The following CCSER1 variants were observed in gnomAD, a reference collection of about 807,000 sequenced individuals.
The protein encoded by CCSER1 is coiled-coil serine rich protein 1.
A neutral mutation model predicts 82.0 loss-of-function variants in CCSER1; 41 were observed. That is an observed-to-expected ratio of 0.50 (90% CI 0.39 to 0.65). The LOEUF is 0.65. CCSER1 is among the 30% of genes least tolerant of loss of function. The probability of loss-of-function intolerance (pLI) is 0.00; values close to 1 mark genes in which losing one functional copy is unlikely to be tolerated. For missense variants in CCSER1, 1,119 were observed against 1,064.2 expected (o/e 1.05, Z -0.72); for synonymous variants, 414 against 383.9 (o/e 1.08, Z -0.92).
At chr4:90,619,187 T>C (rs1008844029) in intron 5 of CCSER1, among the ~76,000 whole-genome samples, 2 of 151,984 alleles carry the variant, frequency 1.3e-5, no homozygotes. Context: ...TGAAAGCTCT[T>C]CAGTATCATC....
chr4:91,010,132 CTCCTTCAT>C lies in CCSER1; in HGVS notation c.2173-75816_2173-75809del, dbSNP rs1738884142. Reference sequence around the variant, plus strand: ...TGCTTGTCTGGGAGAAAGACTATTTCTCCTTCATTTCTTAAGGATAGCTTTGCTGGATA... The same window carrying C: ...TGCTTGTCTGGGAGAAAGACTATTTCTTCTTAAGGATAGCTTTGCTGGATA... On this transcript the variant is annotated intron_variant, in intron 9 of 10. Coordinates refer to ENST00000509176, the MANE Select transcript of CCSER1 (RefSeq NM_001145065.2). 3.3e-5 allele frequency among the ~76,000 whole-genome samples: 5 copies of C among 152,242 alleles called. No individual in the cohort carries two copies. In the South Asian group the frequency reaches 1.0e-3, roughly 32 times the overall value.
At chr4:90,931,835 G>C (rs1200075280) in intron 9 of CCSER1, among the ~76,000 whole-genome samples, 1 of 152,154 alleles carries the variant, frequency 6.6e-6, no homozygotes, top group African/African-American at 2.4e-5. Flanking sequence ...TTTGGGATTT[G>C]AGAATAGCTA....
intron 6 of CCSER1, among the ~76,000 whole-genome samples, chr4:90,640,736 A>G (rs1177604038): frequency 6.6e-6 from 1 of 152,134 alleles, no homozygotes; most frequent in African/African-American, 2.4e-5. Flanking sequence ...TAGTTTAATA[A>G]GGGACTTTTT....
At chr4:91,392,002 C>T (rs967735609) in intron 10 of CCSER1, among the ~76,000 whole-genome samples, 6 of 151,906 alleles carry the variant, frequency 3.9e-5, no homozygotes, top group Admixed American at 3.3e-4. Flanking sequence ...GACATATAGA[C>T]ATATTATTCA....
At chr4:91,137,264 T>C (rs1169310773) in intron 10 of CCSER1, among the ~76,000 whole-genome samples, 1 of 103,610 alleles carries the variant, frequency 9.7e-6, no homozygotes, top group Non-Finnish European at 2.1e-5. Flanking sequence ...ATGCGGTGTT[T>C]GGTTTTTTGT....
At chr4:90,545,590 A>G (rs1183906396) in intron 5 of CCSER1, among the ~76,000 whole-genome samples, 1 of 151,930 alleles carries the variant, frequency 6.6e-6, no homozygotes, top group Non-Finnish European at 1.5e-5. Flanking sequence ...CATTCCTATT[A>G]ATACACTTAT....
At chr4:91,350,568 T>C (rs138548377) in intron 10 of CCSER1, among the ~76,000 whole-genome samples, 19 of 152,218 alleles carry the variant, frequency 1.2e-4, no homozygotes, top group African/African-American at 4.3e-4. Context: ...CATTCACAGA[T>C]ATTTTTCTTA....
chr4:90,336,158 A>G (rs1327523934), intron 3 of CCSER1, among the ~76,000 whole-genome samples: 1 of 152,162 alleles, frequency 6.6e-6, no homozygotes, highest in African/African-American at 2.4e-5. Flanking sequence ...GTTTTATTCC[A>G]AGAGAATTTG....
chr4:90,223,928 T>A (rs1000932914), intron 1 of CCSER1, among the ~76,000 whole-genome samples: 5 of 152,058 alleles, frequency 3.3e-5, no homozygotes, highest in Non-Finnish European at 1.5e-5. Flanking sequence ...AGAAGGTAGA[T>A]AATGTCTTTT....
At chr4:90,381,521 A>G (rs1030067321) in intron 3 of CCSER1, among the ~76,000 whole-genome samples, 1 of 152,140 alleles carries the variant, frequency 6.6e-6, no homozygotes, top group Non-Finnish European at 1.5e-5. Flanking sequence ...ATATGTAACT[A>G]TTGAGAAGTT....
intron 5 of CCSER1, among the ~76,000 whole-genome samples, chr4:90,605,161 A>C (rs1460102752): frequency 6.6e-6 from 1 of 152,168 alleles, no homozygotes; most frequent in Non-Finnish European, 1.5e-5. Context: ...CCCAGAAGGA[A>C]GAAACTCCCG....
At chr4:90,443,101 T>C (rs955780669) in intron 4 of CCSER1, among the ~76,000 whole-genome samples, 2 of 152,090 alleles carry the variant, frequency 1.3e-5, no homozygotes, top group African/African-American at 4.8e-5. Flanking sequence ...ACAACAACAA[T>C]AATAAAATAG....
At chr4:90,630,119 C>T (rs1176141111) in intron 6 of CCSER1, among the ~76,000 whole-genome samples, 1 of 137,364 alleles carries the variant, frequency 7.3e-6, no homozygotes, top group Non-Finnish European at 1.5e-5. Context: ...TAGCACATTA[C>T]TATGTGTATA....
At chr4:90,646,590 A>G (rs965562201) in intron 6 of CCSER1, among the ~76,000 whole-genome samples, 1 of 152,124 alleles carries the variant, frequency 6.6e-6, no homozygotes, top group Non-Finnish European at 1.5e-5. Context: ...GCATTCAAAC[A>G]TTGCTTCTGA....
intron 7 of CCSER1, among the ~76,000 whole-genome samples, chr4:90,786,517 AT>A (rs1754542118): frequency 6.7e-6 from 1 of 150,224 alleles, no homozygotes; most frequent in Non-Finnish European, 1.5e-5. Flanking sequence ...ATTAAAAAAA[AT>A]TAAATCACAC....
intron 9 of CCSER1, among the ~76,000 whole-genome samples, chr4:91,046,689 T>TTGTTG (rs1554060771): frequency 1.3e-5 from 2 of 151,604 alleles, no homozygotes; most frequent in African/African-American, 4.9e-5. Flanking sequence ...TAATATGTTT[T>TTGTTG]TTGTTGTTGT....
At chr4:90,254,997 A>ACG (rs1270751623) in intron 1 of CCSER1, among the ~76,000 whole-genome samples, 3 of 151,868 alleles carry the variant, frequency 2.0e-5, no homozygotes, top group Non-Finnish European at 2.9e-5. Flanking sequence ...ACACACACAC[A>ACG]CACACACACA....
In CCSER1 at chr4:90,952,633, T is replaced by G. The variant is rs116712986; in HGVS notation, c.2172+29186T>G. On this transcript the variant is annotated intron_variant, in intron 9 of 10. Coordinates refer to ENST00000509176, the MANE Select transcript of CCSER1 (RefSeq NM_001145065.2). The stretch of plus-strand genomic sequence containing the variant: ...TTTTGCCTGAGGAAGCATCATAATG[T>G]CATAGTCCTAGACACTTGATTTCCT... 7.8e-3 allele frequency among the ~76,000 whole-genome samples: 1,185 copies of G among 152,224 alleles called. 23 individuals are homozygous for G. The highest frequency in any genetic ancestry group is 0.027 in the African/African-American group (1,114 of 41,560).
chr4:90,200,385 A>T (rs13146102), intron 1 of CCSER1, among the ~76,000 whole-genome samples: 84,697 of 151,856 alleles, frequency 0.56, 24,315 homozygotes, highest in African/African-American at 0.69. Context: ...CCAGAATAAT[A>T]AATGGGCACA....
Sources: allele counts gnomAD v4.1 joint callset (sites outside exome capture counted in the v4.1 genomes callset), GRCh38; gene constraint gnomAD v4.1.1; transcripts MANE v1.5; gene names NCBI Gene and HGNC (gene_info 2026-07-23, HGNC 2026-07-21).